ZMIZ1: variants seen among roughly 807,000 people sequenced by gnomAD.
ZMIZ1 encodes zinc finger MIZ-type containing 1.
A neutral mutation model predicts 113.9 loss-of-function variants in ZMIZ1; 17 were observed. That is an observed-to-expected ratio of 0.15 (90% confidence interval 0.10 to 0.22). ZMIZ1 has a LOEUF of 0.22. Ranked by LOEUF, ZMIZ1 falls within the 10% of genes least tolerant of loss-of-function variation. The probability of loss-of-function intolerance (pLI) is 1.00; values close to 1 mark genes in which losing one functional copy is unlikely to be tolerated. For synonymous variants in ZMIZ1, 607 were observed against 603.1 expected (o/e 1.01, Z -0.09); for missense variants, 1,059 against 1,477.8 (o/e 0.72, Z 4.65).
chr10:79,256,393 ACT>A (rs1370067668), intron 7 of ZMIZ1, among the ~76,000 whole-genome samples: 1 of 151,296 alleles, frequency 6.6e-6, no homozygotes, highest in East Asian at 2.0e-4. Flanking sequence ...CCCTCGGTGG[ACT>A]CTGGCCAGCA....
chr10:79,190,290 G>C (rs1335899736), intron 4 of ZMIZ1, among the ~76,000 whole-genome samples: 1 of 152,196 alleles, frequency 6.6e-6, no homozygotes, highest in Non-Finnish European at 1.5e-5. Context: ...AGCAGGGGTG[G>C]ACTGGATGTG....
chr10:79,256,864 G>A (rs1850938859), intron 7 of ZMIZ1, among the ~76,000 whole-genome samples: 1 of 152,216 alleles, frequency 6.6e-6, no homozygotes, highest in African/African-American at 2.4e-5. Context: ...GTGCATGCTT[G>A]TGATTTTGCT....
intron 7 of ZMIZ1, among the ~76,000 whole-genome samples, chr10:79,224,231 A>G (rs1018133604): frequency 5.9e-5 from 9 of 152,232 alleles, no homozygotes; most frequent in Admixed American, 2.0e-4. Context: ...GTCAACTTAC[A>G]AGTAATGGCT....
intron 1 of ZMIZ1, among the ~76,000 whole-genome samples, chr10:79,117,242 T>C (rs1300016856): frequency 6.6e-6 from 1 of 152,266 alleles, no homozygotes; most frequent in Admixed American, 6.5e-5. Context: ...TAAACAACTC[T>C]CAAGGCCAGC....
intron 2 of ZMIZ1, among the ~76,000 whole-genome samples, chr10:79,120,201 C>T (rs1844226803): frequency 6.6e-6 from 1 of 152,198 alleles, no homozygotes; most frequent in Admixed American, 6.5e-5. Context: ...TGTGCGCTTC[C>T]TCACAAACGT....
Position 79,306,151 on chromosome 10 carries a change from G to A in ZMIZ1, c.2475G>A (p.Val825=). 1 of 1,613,994 alleles carries A rather than the reference G, an allele frequency of 6.2e-7. No individual in the cohort carries two copies. Among genetic ancestry groups the A allele is most frequent in the Non-Finnish European group, 8.5e-7 (1 of 1,180,030 alleles). Residue 825 remains valine (V), a synonymous_variant, in exon 22 of 25, where the codon GTG becomes GTA. Coordinates refer to ENST00000334512, the MANE Select transcript of ZMIZ1 (RefSeq NM_020338.4). ...ATCCCACGTGCAGCTGGCGGCCGGT[G>A]CCCATCAAGTCGGACTTACACATCA... The part of the protein sequence containing the change: ...TIDPTCSWRP[V]PIKSDLHIKD...
At chr10:79,137,260 C>G (rs899867065) in intron 2 of ZMIZ1, among the ~76,000 whole-genome samples, 9 of 152,188 alleles carry the variant, frequency 5.9e-5, no homozygotes, top group Admixed American at 3.9e-4. Flanking sequence ...ACCCTATGGA[C>G]AGCGGTGTTA....
intron 1 of ZMIZ1, among the ~76,000 whole-genome samples, chr10:79,075,963 G>A (rs1162968138): frequency 6.6e-6 from 1 of 152,184 alleles, no homozygotes; most frequent in Non-Finnish European, 1.5e-5. Flanking sequence ...GGGACGGTGT[G>A]CCTTGGATCT....
At chr10:79,085,989 G>A (rs1250008) in intron 1 of ZMIZ1, among the ~76,000 whole-genome samples, 107,543 of 152,068 alleles carry the variant, frequency 0.71, 39,315 homozygotes, top group African/African-American at 0.91. Context: ...TGACCCTGAC[G>A]AGTCCTTGTC....
chr10:79,301,979 A>G, intron 17 of ZMIZ1, 128 bp from the exon 18 acceptor site: 2 of 827,422 alleles, frequency 2.4e-6, no homozygotes, highest in Non-Finnish European at 4.0e-6. Flanking sequence ...AAGTCCCAGG[A>G]GACACCCTGG....
intron 7 of ZMIZ1, among the ~76,000 whole-genome samples, chr10:79,247,495 C>T (rs1201482997): frequency 1.3e-5 from 2 of 152,162 alleles, no homozygotes; most frequent in Non-Finnish European, 2.9e-5. Flanking sequence ...CCTGCCTGGC[C>T]AGGCTCAGGA....
rs547460239 is a variant in ZMIZ1 at position 79,132,863 on chromosome 10, C to T, written c.-226-6819C>T. 2.1e-3 allele frequency among the ~76,000 whole-genome samples: 318 copies of T among 152,282 alleles called. 2 individuals are homozygous for T. Among genetic ancestry groups the T allele is most frequent in the Non-Finnish European group, 2.2e-3 (148 of 68,010 alleles). On this transcript the variant is annotated intron_variant, in intron 2 of 24. Transcript: ENST00000334512. Reference sequence around the variant, plus strand: ...TCAGCAGGCCCCACTTCCCTTTTTTCTCCCTTCCTCCTTCCCTCCCATGCA... The same window carrying T: ...TCAGCAGGCCCCACTTCCCTTTTTTTTCCCTTCCTCCTTCCCTCCCATGCA...
At chr10:79,274,611 C>T (rs539872869) in intron 7 of ZMIZ1, among the ~76,000 whole-genome samples, 13 of 137,572 alleles carry the variant, frequency 9.4e-5, no homozygotes, top group East Asian at 2.4e-4. Context: ...TCCACTGCCC[C>T]GCATGCGGCT....
chr10:79,221,423 C>T (rs574347287), intron 7 of ZMIZ1, among the ~76,000 whole-genome samples: 8 of 152,320 alleles, frequency 5.3e-5, no homozygotes, highest in African/African-American at 1.9e-4. Flanking sequence ...TCAGAGCGCA[C>T]GTGCGCGGGC....
intron 2 of ZMIZ1, among the ~76,000 whole-genome samples, chr10:79,135,572 TC>T (rs1210178002): frequency 6.6e-6 from 1 of 152,200 alleles, no homozygotes; most frequent in African/African-American, 2.4e-5. Context: ...TTCTCTTTCT[TC>T]CTGGCCAATC....
intron 2 of ZMIZ1, among the ~76,000 whole-genome samples, chr10:79,132,187 C>T (rs2132377054): frequency 6.6e-6 from 1 of 152,254 alleles, no homozygotes. Context: ...CTTGGGTGGG[C>T]AGGTAATATT....
At chr10:79,264,164 C>T (rs1439279075) in intron 7 of ZMIZ1, among the ~76,000 whole-genome samples, 1 of 152,202 alleles carries the variant, frequency 6.6e-6, no homozygotes, top group African/African-American at 2.4e-5. Flanking sequence ...CAGTTCTCAC[C>T]TTGCAGATGG....
intron 7 of ZMIZ1, among the ~76,000 whole-genome samples, chr10:79,246,319 T>A (rs565361053): frequency 9.5e-4 from 145 of 152,350 alleles, no homozygotes; most frequent in African/African-American, 3.3e-3. Context: ...CGTCAGTCCC[T>A]GTGAAGTCAT....
rs1052270179 is a variant in ZMIZ1, at chr10:79,137,356, A to G, written c.-226-2326A>G. Among the ~76,000 whole-genome samples, 3 of 152,200 alleles carry G rather than the reference A, an allele frequency of 2.0e-5. 1 individual carries two copies. Among genetic ancestry groups the G allele is most frequent in the Admixed American group, 6.5e-5 (1 of 15,282 alleles). ...AGGGAGCAGACAAAGGAAAATGGGT[A>G]CCTCAGGGAAGGTCTCTGAAGGAGT... On this transcript the variant is annotated intron_variant, in intron 2 of 24. Coordinates refer to ENST00000334512, the MANE Select transcript of ZMIZ1 (RefSeq NM_020338.4).
Sources: allele counts gnomAD v4.1 joint callset (sites outside exome capture counted in the v4.1 genomes callset), GRCh38; gene constraint gnomAD v4.1.1; transcripts MANE v1.5; gene names NCBI Gene and HGNC (gene_info 2026-07-23, HGNC 2026-07-21).